The following ADAM9 variants were observed in gnomAD, a reference collection of about 807,000 sequenced individuals.
ADAM9 encodes the protein disintegrin and metalloproteinase domain-containing protein 9.
ADAM9 carries 54 observed loss-of-function variants against 108.1 expected under a neutral mutation model. The ratio of observed to expected loss-of-function variants is 0.50; its 90% confidence interval spans 0.40 to 0.63. ADAM9 has a LOEUF of 0.63. Among genes scored for constraint, ADAM9 ranks in the 20% least tolerant of loss-of-function variants. The pLI is 0.00. For missense variants in ADAM9, 830 were observed against 997.7 expected (o/e 0.83, Z 2.26); for synonymous variants, 316 against 336.0 (o/e 0.94, Z 0.65).
At chr8:39,053,167 A>G (rs539571941) in intron 12 of ADAM9, among the ~76,000 whole-genome samples, 23 of 152,260 alleles carry the variant, frequency 1.5e-4, no homozygotes, top group Non-Finnish European at 2.6e-4. Flanking sequence ...CTTTTCCCTC[A>G]TTTAAAAATT....
At position 39,080,864 on chromosome 8, in the gene ADAM9, G is replaced by A. The variant is rs1035158007; in HGVS notation, c.1882-1777G>A. On this transcript the variant is annotated intron_variant, in intron 16 of 21. Coordinates refer to ENST00000487273, the MANE Select transcript of ADAM9 (RefSeq NM_003816.3). ...TAGTCAAGTTTGCTCTACTTGCTGC[G>A]TGGTGGTTGTTGGTGGTGGCCATGG... Among the ~76,000 whole-genome samples, 9 of 151,440 alleles carry A rather than the reference G, an allele frequency of 5.9e-5. 1 individual carries two copies. The highest frequency in any genetic ancestry group is 2.1e-4 in the South Asian group (1 of 4,790).
intron 11 of ADAM9, among the ~76,000 whole-genome samples, chr8:39,031,268 A>AT (rs1347312536): frequency 6.6e-6 from 1 of 152,086 alleles, no homozygotes; most frequent in East Asian, 1.9e-4. Context: ...TTATTTATTT[A>AT]TTTTTTGCAT....
rs1209290884 is a variant in ADAM9, at chr8:39,055,860, T to TA, written c.1591+91dup. On this transcript the variant is annotated intron_variant, in intron 14 of 21. Coordinates refer to ENST00000487273, the MANE Select transcript of ADAM9 (RefSeq NM_003816.3). ...AAAAAAGGTAATGAAACATTATTGA[T>TA]AAAGTTGAGGCTCTCTTGTTTCTCA... 135 of 1,339,666 alleles carry TA rather than the reference T, an allele frequency of 1.0e-4. 1 individual carries two copies. In the East Asian group the frequency reaches 3.3e-3, roughly 32 times the overall value. 83.0% of individuals were successfully genotyped at this position (1,339,666 alleles called of 1,614,324 possible).
intron 5 of ADAM9, chr8:39,016,957 A>G (rs1836551828): frequency 4.3e-6 from 2 of 464,890 alleles, no homozygotes; most frequent in African/African-American, 2.0e-5. Flanking sequence ...CTTAGCCACT[A>G]TTTTGTAGTG....
At chr8:39,089,613 G>T (rs1020634976) in intron 18 of ADAM9, among the ~76,000 whole-genome samples, 2 of 152,138 alleles carry the variant, frequency 1.3e-5, no homozygotes, top group African/African-American at 4.8e-5. Flanking sequence ...AAAAATATAA[G>T]TGTTTATCAG....
At chr8:39,068,092 T>A (rs1018484393) in intron 14 of ADAM9, among the ~76,000 whole-genome samples, 4 of 152,196 alleles carry the variant, frequency 2.6e-5, no homozygotes, top group African/African-American at 9.7e-5. Flanking sequence ...TTCTTCTGCG[T>A]AACCTCTGTT....
chr8:39,071,436 A>C, intron 15 of ADAM9, 33 bp downstream of exon 15: 5 of 1,469,602 alleles, frequency 3.4e-6, no homozygotes, highest in Non-Finnish European at 4.8e-6. Flanking sequence ...TGGAATATGA[A>C]AGATTATAAG....
chr8:39,103,749 C>CTT lies in ADAM9; in HGVS notation c.*59_*60dup. On this transcript the variant is annotated 3_prime_UTR_variant, in exon 22 of 22. Transcript: ENST00000487273. ...ATGTCTTCAGGGAACTGAGCTAATA[C>CTT]TTTTTTTTTTTCTTGATGTTTTCTT... 54 of 1,225,042 alleles carry CTT rather than the reference C, an allele frequency of 4.4e-5. No individual in the cohort carries two copies. Among genetic ancestry groups the CTT allele is most frequent in the Middle Eastern group, 2.0e-4 (1 of 4,986 alleles). The allele number at this position is 1,225,042 out of a possible 1,614,324, so 75.9% of individuals were successfully genotyped here. A position where few individuals can be genotyped will look rare whatever the true frequency, so the allele number is the denominator to read the frequency against.
chr8:39,099,495 G>A (rs1839615839), intron 20 of ADAM9, among the ~76,000 whole-genome samples: 1 of 152,066 alleles, frequency 6.6e-6, no homozygotes, highest in South Asian at 2.1e-4. Context: ...GTACTTCATT[G>A]TTTTTAATAA....
At position 39,104,495 on chromosome 8, in the gene ADAM9, A is replaced by G. The variant is rs1839803339; in HGVS notation, c.*795A>G. Reference sequence around the variant, plus strand: ...TAAGCTTTAAGGTACGAAGTATTTAATAGATCTAATCAAATATGTTGATTC... The same window carrying G: ...TAAGCTTTAAGGTACGAAGTATTTAGTAGATCTAATCAAATATGTTGATTC... On this transcript the variant is annotated 3_prime_UTR_variant, in exon 22 of 22. Transcript: ENST00000487273. 1 of 382,784 alleles carries G rather than the reference A, an allele frequency of 2.6e-6. No homozygotes were observed. Among genetic ancestry groups the G allele is most frequent in the Non-Finnish European group, 5.1e-6 (1 of 197,774 alleles). 23.7% of individuals were successfully genotyped at this position (382,784 alleles called of 1,614,324 possible). A position where few individuals can be genotyped will look rare whatever the true frequency, so the allele number is the denominator to read the frequency against.
At chr8:39,082,252 G>A (rs1839047133) in intron 16 of ADAM9, among the ~76,000 whole-genome samples, 1 of 152,090 alleles carries the variant, frequency 6.6e-6, no homozygotes, top group Non-Finnish European at 1.5e-5. Flanking sequence ...TTTATGAGAG[G>A]TGTAATAGAA....
chr8:39,023,822 C>T (rs1046565909), intron 9 of ADAM9, among the ~76,000 whole-genome samples: 2 of 144,760 alleles, frequency 1.4e-5, no homozygotes, highest in Non-Finnish European at 3.0e-5. Context: ...TCTTGGCTCA[C>T]TGCAGCCTCT....
At chr8:39,018,973 CA>C in intron 7 of ADAM9, 55 bp downstream of exon 7, 2 of 1,461,832 alleles carry the variant, frequency 1.4e-6, no homozygotes, top group Non-Finnish European at 1.9e-6. Flanking sequence ...GAGAAGTGAG[CA>C]TTTAATGAAG....
intron 3 of ADAM9, among the ~76,000 whole-genome samples, chr8:39,012,510 G>A (rs560247840): frequency 3.5e-4 from 53 of 152,128 alleles, no homozygotes; most frequent in Non-Finnish European, 6.6e-4. Flanking sequence ...TGTTTATTGC[G>A]GCACTATTCA....
intron 11 of ADAM9, among the ~76,000 whole-genome samples, chr8:39,039,568 A>G (rs1008085189): frequency 1.3e-5 from 2 of 152,170 alleles, no homozygotes; most frequent in African/African-American, 4.8e-5. Context: ...CACCTCCACC[A>G]TAATCAGTGT....
intron 12 of ADAM9, among the ~76,000 whole-genome samples, chr8:39,045,385 GGT>G (rs1333121969): frequency 1.3e-4 from 2 of 15,950 alleles, no homozygotes; most frequent in Non-Finnish European, 2.4e-4. Context: ...TACACCTATA[GGT>G]GTGTGTACAC....
chr8:39,064,045 A>G (rs912999724), intron 14 of ADAM9, among the ~76,000 whole-genome samples: 1 of 152,182 alleles, frequency 6.6e-6, no homozygotes, highest in East Asian at 1.9e-4. Flanking sequence ...TTCTTTCCCT[A>G]CTTTGTCCAG....
At chr8:39,050,589 G>A (rs1415233206) in intron 12 of ADAM9, among the ~76,000 whole-genome samples, 5 of 151,902 alleles carry the variant, frequency 3.3e-5, no homozygotes, top group East Asian at 1.9e-4. Flanking sequence ...CTTCAGCCCC[G>A]AAATTAGTGA....
chr8:39,009,289 C>T (rs1836267242), intron 2 of ADAM9, among the ~76,000 whole-genome samples: 1 of 152,172 alleles, frequency 6.6e-6, no homozygotes, highest in African/African-American at 2.4e-5. Flanking sequence ...ATCAGTTAAT[C>T]CCTGTTTGGG....
Sources: gnomAD v4.1 joint callset for allele counts (sites outside exome capture counted in the v4.1 genomes callset) on GRCh38, gnomAD v4.1.1 for gene constraint, MANE v1.5 for transcripts, NCBI Gene and HGNC (gene_info 2026-07-23, HGNC 2026-07-21) for gene names.